Variants in DIPK2A observed in about 807,000 individuals in gnomAD.
The protein encoded by DIPK2A is Golgi Protein of 49 kDa.
In DIPK2A, 27 loss-of-function variants were observed where a neutral mutation model predicts 39.0. The observed-to-expected ratio is 0.69, with a 90% CI of 0.51 to 0.96. The LOEUF (loss-of-function observed/expected upper bound fraction) is 0.96, where lower values mean the gene tolerates loss of function less well. Ranked by LOEUF, DIPK2A falls within the 40% of genes least tolerant of loss-of-function variation. The probability of loss-of-function intolerance (pLI) is 0.00; values close to 1 mark genes in which losing one functional copy is unlikely to be tolerated. For missense variants in DIPK2A, 528 were observed against 571.3 expected (o/e 0.92, Z 0.77); for synonymous variants, 298 against 240.8 (o/e 1.24, Z -2.20).
chr3:143,992,003 G>A lies in DIPK2A; in HGVS notation c.*2162G>A, dbSNP rs1182925560. ...TACCATTTCCCCTCCATGAAATTAT[G>A]TGAAATTTATTTTATCTTTGGGAAA... On this transcript the variant is annotated 3_prime_UTR_variant, in exon 3 of 3. Coordinates refer to ENST00000315691, the MANE Select transcript of DIPK2A (RefSeq NM_173552.5). 2 of 152,484 alleles carry A rather than the reference G, an allele frequency of 1.3e-5. No homozygotes were observed. Among genetic ancestry groups the A allele is most frequent in the Non-Finnish European group, 2.9e-5 (2 of 68,004 alleles). The allele number at this position is 152,484 out of a possible 1,614,324, so 9.4% of individuals were successfully genotyped here. A position where few individuals can be genotyped will look rare whatever the true frequency, so the allele number is the denominator to read the frequency against.
chr3:143,978,384 T>C (rs933290371), intron 1 of DIPK2A: 5 of 152,384 alleles, frequency 3.3e-5, no homozygotes, highest in African/African-American at 1.2e-4. Flanking sequence ...GGAAGTTGTC[T>C]GTGAAATTCT....
At position 143,972,727 on chromosome 3, in the gene DIPK2A, G is replaced by T; in HGVS notation, c.395G>T (p.Arg132Leu). 6.3e-7 allele frequency: 1 copy of T among 1,590,046 alleles called. No homozygotes were observed. Among genetic ancestry groups the T allele is most frequent in the Non-Finnish European group, 8.5e-7 (1 of 1,170,546 alleles). ...DQSICKRATG[R>L]PRCDLLQAMP... ...AGCATCTGCAAGCGGGCCACCGGCC[G>T]GCCCCGCTGCGACCTGCTGCAGGCC... The change falls in exon 1 of 3, where the codon CGG (arginine) becomes CTG (leucine). Residue 132 changes from arginine (R) to leucine (L), a missense_variant. Physicochemically the swap from Arg to Leu is moderately radical, Grantham distance 102 (BLOSUM62 -2). Transcript: ENST00000315691.
intron 1 of DIPK2A, among the ~76,000 whole-genome samples, chr3:143,977,182 T>G (rs1176825522): frequency 6.6e-6 from 1 of 152,060 alleles, no homozygotes; most frequent in Non-Finnish European, 1.5e-5. Context: ...AACAAAAGAT[T>G]ATTTAGCTAA....
At chr3:143,979,648 T>C (rs937725682) in intron 1 of DIPK2A, among the ~76,000 whole-genome samples, 10 of 152,194 alleles carry the variant, frequency 6.6e-5, no homozygotes, top group African/African-American at 1.7e-4. Flanking sequence ...AGTAAACTTA[T>C]GCATATTTAA....
chr3:143,978,652 ATATATATC>A (rs2087778147), intron 1 of DIPK2A: 1 of 50,662 alleles, frequency 2.0e-5, no homozygotes, highest in Non-Finnish European at 3.8e-5. Context: ...ATATATATAT[ATATATATC>A]TATATATAGA....
intron 1 of DIPK2A, among the ~76,000 whole-genome samples, chr3:143,982,306 G>A (rs2087837828): frequency 6.6e-6 from 1 of 152,106 alleles, no homozygotes; most frequent in South Asian, 2.1e-4. Context: ...GTGTTTAGGA[G>A]GTGCATGAAG....
intron 1 of DIPK2A, among the ~76,000 whole-genome samples, chr3:143,977,898 C>T (rs1208622628): frequency 6.6e-6 from 1 of 152,106 alleles, no homozygotes; most frequent in Non-Finnish European, 1.5e-5. Flanking sequence ...AGCATCACTT[C>T]AGAATCAGTA....
At chr3:143,977,369 TGGGTTTAATTAAGCTCTTCTGAAAGGGG>T (rs2087745980) in intron 1 of DIPK2A, among the ~76,000 whole-genome samples, 5 of 151,946 alleles carry the variant, frequency 3.3e-5, no homozygotes, top group Non-Finnish European at 7.4e-5. Flanking sequence ...CTTTAACGAG[TGGGTTTAATTAAGCTCTTCTGAAAGGGG>T]ATTGGGAGTG....
intron 1 of DIPK2A, chr3:143,978,616 C>CTATATATATA (rs59804208): frequency 7.9e-6 from 1 of 126,122 alleles, no homozygotes; most frequent in African/African-American, 2.9e-5. Flanking sequence ...ATATATATAT[C>CTATATATATA]TATATCTATA....
intron 1 of DIPK2A, among the ~76,000 whole-genome samples, chr3:143,977,397 G>A (rs776422429): frequency 2.0e-5 from 3 of 151,890 alleles, no homozygotes; most frequent in Non-Finnish European, 4.4e-5. Context: ...TCTGAAAGGG[G>A]ATTGGGAGTG....
At chr3:143,978,687 T>TATAGATATATATATATCTATATATAG in intron 1 of DIPK2A, among the ~76,000 whole-genome samples, 1 of 126,314 alleles carries the variant, frequency 7.9e-6, no homozygotes, top group Non-Finnish European at 1.6e-5. Context: ...TATATCTATA[T>TATAGATATATATATATCTATATATAG]ATATATATAT....
Position 143,972,597 on chromosome 3 carries a change from A to G in DIPK2A, c.265A>G (p.Lys89Glu), listed in dbSNP as rs1176736012. The G allele has an allele frequency of 6.2e-7, 1 of 1,612,024 alleles. No homozygotes were observed. The highest frequency in any genetic ancestry group is 2.2e-5 in the East Asian group (1 of 44,854). Residue 89 changes from lysine to glutamate, a missense_variant, in exon 1 of 3, where the codon AAG becomes GAG. Lys to Glu is a moderately conservative substitution (Grantham distance 56). Coordinates refer to ENST00000315691, the MANE Select transcript of DIPK2A (RefSeq NM_173552.5). Reference sequence around the variant, plus strand: ...GCGCCTGCTGGACTTCCTCAACGTGAAGAACGTGTACTTCGCGCAGTACGG... The same window carrying G: ...GCGCCTGCTGGACTTCCTCAACGTGGAGAACGTGTACTTCGCGCAGTACGG... ...RLRLLDFLNV[K>E]NVYFAQYGEP...
At chr3:143,973,608 A>C in intron 1 of DIPK2A, 2 of 1,448,240 alleles carry the variant, frequency 1.4e-6, no homozygotes, top group Non-Finnish European at 1.9e-6. Flanking sequence ...TTAGAATCAG[A>C]AACAGGAAAA....
In DIPK2A at chr3:143,976,555, TGAGA is replaced by T. The variant is rs1186765697; in HGVS notation, c.657+3593_657+3596del. Reference sequence around the variant, plus strand: ...GAGTGTGTGTGTGTGTGTGTGTGTGTGAGAGAGAGAGAGAGAGAGAGAGAGAGAG... The same window carrying T: ...GAGTGTGTGTGTGTGTGTGTGTGTGTGAGAGAGAGAGAGAGAGAGAGAGAG... On this transcript the variant is annotated intron_variant, in intron 1 of 2. Transcript: ENST00000315691. 1.2e-3 allele frequency among the ~76,000 whole-genome samples: 146 copies of T among 118,048 alleles called. 1 individual carries two copies. The highest frequency in any genetic ancestry group is 2.5e-3 in the Admixed American group (32 of 12,686). 77.4% of individuals were successfully genotyped at this position (118,048 alleles called of 152,430 possible).
chr3:143,985,254 A>G (rs1281164762), intron 1 of DIPK2A, among the ~76,000 whole-genome samples: 1 of 152,230 alleles, frequency 6.6e-6, no homozygotes, highest in Non-Finnish European at 1.5e-5. Context: ...ATTTGGTAAT[A>G]AAGACAGTGT....
At chr3:143,987,445 T>C (rs1237019571) in intron 2 of DIPK2A, among the ~76,000 whole-genome samples, 9 of 152,250 alleles carry the variant, frequency 5.9e-5, no homozygotes, top group African/African-American at 2.2e-4. Flanking sequence ...TCATTTCTTT[T>C]CAAATGTCTC....
rs980605907 is a variant in DIPK2A, at chr3:143,991,696, C to G, written c.*1855C>G. On this transcript the variant is annotated 3_prime_UTR_variant, in exon 3 of 3. Transcript: ENST00000315691. ...AGTGCTTGGAATTTTACTAAACTGA[C>G]TTTTTTGCAACTTTGGGAGATTTTT... 1 of 152,486 alleles carries G rather than the reference C, an allele frequency of 6.6e-6. No individual in the cohort carries two copies. Among genetic ancestry groups the G allele is most frequent in the Non-Finnish European group, 1.5e-5 (1 of 68,014 alleles). 9.4% of individuals were successfully genotyped at this position (152,486 alleles called of 1,614,324 possible).
At chr3:143,978,627 T>G (rs1269776054) in intron 1 of DIPK2A, 27 of 33,202 alleles carry the variant, frequency 8.1e-4, no homozygotes, top group African/African-American at 3.6e-3. Context: ...TATATCTATA[T>G]ATATATATAT....
chr3:143,988,362 A>G (rs1018811432), intron 2 of DIPK2A, among the ~76,000 whole-genome samples: 6 of 152,172 alleles, frequency 3.9e-5, no homozygotes, highest in Non-Finnish European at 5.9e-5. Flanking sequence ...GGCCTCTCAA[A>G]GTGCTGGGAT....
Sources: allele counts gnomAD v4.1 joint callset (sites outside exome capture counted in the v4.1 genomes callset), GRCh38; gene constraint gnomAD v4.1.1; transcripts MANE v1.5; gene names NCBI Gene and HGNC (gene_info 2026-07-23, HGNC 2026-07-21).